The following HIVEP2 variants were observed in gnomAD, a reference collection of about 807,000 sequenced individuals.
HIVEP2 encodes the protein transcription factor HIVEP2.
Under a neutral mutation model 180.7 loss-of-function variants are expected in HIVEP2, and 14 were observed. That is an observed-to-expected ratio of 0.08 (90% CI 0.05 to 0.12). HIVEP2 has a LOEUF of 0.12. Among genes scored for constraint, HIVEP2 ranks in the 10% least tolerant of loss-of-function variants. The pLI, the probability that HIVEP2 is intolerant of heterozygous loss-of-function variation, is 1.00. For missense variants in HIVEP2, 2,579 were observed against 3,008.5 expected, an observed-to-expected ratio of 0.86 and a Z score of 3.34; for synonymous variants, 1,184 against 1,136.4, an observed-to-expected ratio of 1.04 and a Z score of -0.84.
chr6:142,812,130 G>T (rs570755604), intron 2 of HIVEP2, among the ~76,000 whole-genome samples: 1 of 152,194 alleles, frequency 6.6e-6, no homozygotes. Context: ...CCAGGGAGCC[G>T]AAGATGGTTA....
chr6:142,776,974 AGT>A (rs1329294631), intron 3 of HIVEP2, among the ~76,000 whole-genome samples: 1 of 152,190 alleles, frequency 6.6e-6, no homozygotes, highest in East Asian at 1.9e-4. Flanking sequence ...TTGACAACTA[AGT>A]AATCGTTCAA....
At chr6:142,878,405 C>T (rs1776498426) in intron 1 of HIVEP2, among the ~76,000 whole-genome samples, 1 of 152,208 alleles carries the variant, frequency 6.6e-6, no homozygotes, top group Admixed American at 6.5e-5. Context: ...AAGATAACAA[C>T]TGAGAATACA....
At position 142,771,069 on chromosome 6, in the gene HIVEP2, G is replaced by A. The variant is rs1469871816; in HGVS notation, c.3670C>T (p.Pro1224Ser). Residue 1224 changes from proline (P) to serine (S), a missense_variant, in exon 5 of 10, where the codon CCC becomes TCC. Physicochemically the swap from Pro to Ser is moderately conservative, Grantham distance 74. Around this residue, in one of 11 missense-constraint regions of HIVEP2, gnomAD observed 523 missense variants for 577.0 expected, o/e 0.91. Coordinates refer to ENST00000367603, the MANE Select transcript of HIVEP2 (RefSeq NM_006734.4). This position sits in a 1 kb window ranked among gnomAD's most constrained non-coding sequence, Gnocchi z 5.4. ...CMVHLPAQQP[P>S]WWQAHFPHPF... ...TGTGGGAAATGTGCCTGCCACCAGGGAGGCTGCTGAGCTGGTAAATGAACC... is the reference window on the plus strand; with the variant it reads ...TGTGGGAAATGTGCCTGCCACCAGGAAGGCTGCTGAGCTGGTAAATGAACC... 6.2e-7 allele frequency: 1 copy of A among 1,614,106 alleles called. No individual in the cohort carries two copies. Among genetic ancestry groups the A allele is most frequent in the Admixed American group, 1.7e-5 (1 of 60,030 alleles).
At chr6:142,867,100 G>A (rs540261716) in intron 1 of HIVEP2, among the ~76,000 whole-genome samples, 56 of 152,060 alleles carry the variant, frequency 3.7e-4, no homozygotes, top group Non-Finnish European at 7.2e-4. Context: ...ATAATTGGAC[G>A]TGTGTGTTAG....
chr6:142,846,246 G>C (rs1024988366), intron 1 of HIVEP2, among the ~76,000 whole-genome samples: 4 of 151,830 alleles, frequency 2.6e-5, no homozygotes, highest in Non-Finnish European at 5.9e-5. Flanking sequence ...ACCCTCTCCT[G>C]TCAGGGCTGT....
At chr6:142,838,185 A>G (rs754957256) in intron 1 of HIVEP2, among the ~76,000 whole-genome samples, 20 of 152,160 alleles carry the variant, frequency 1.3e-4, no homozygotes, top group Non-Finnish European at 2.2e-4. Flanking sequence ...GAAGACAAAT[A>G]GCAGTAACTA....
At chr6:142,928,354 G>C (rs1777862704) in intron 1 of HIVEP2, among the ~76,000 whole-genome samples, 1 of 152,154 alleles carries the variant, frequency 6.6e-6, no homozygotes, top group Non-Finnish European at 1.5e-5. Context: ...TTAATCTTAA[G>C]AATTGGCACA....
In HIVEP2 at chr6:142,914,549, A is replaced by G. The variant is rs186451079; in HGVS notation, c.-641+30550T>C. Among the ~76,000 whole-genome samples the G allele has an allele frequency of 4.5e-4, 68 of 152,338 alleles. 1 individual carries two copies. The highest frequency in any genetic ancestry group is 2.5e-3 in the Admixed American group (39 of 15,298). On this transcript the variant is annotated intron_variant, in intron 1 of 9. Transcript: ENST00000367603. ...ACAGACAATCAACACATTTTTACTC[A>G]TAAACTGTGTGTTAAAATGATGGCT...
intron 1 of HIVEP2, among the ~76,000 whole-genome samples, chr6:142,941,418 G>T (rs1180335351): frequency 6.6e-6 from 1 of 152,190 alleles, no homozygotes; most frequent in African/African-American, 2.4e-5. Flanking sequence ...CAATGCTTTT[G>T]ATTGTGACCA....
Position 142,801,211 on chromosome 6 carries a change from A to G in HIVEP2, c.-527-17596T>C, listed in dbSNP as rs1353517683. Among the ~76,000 whole-genome samples the G allele has an allele frequency of 3.5e-5, 5 of 144,210 alleles. No homozygotes were observed. In the East Asian group the frequency reaches 1.0e-3, roughly 30 times the overall value. 94.6% of individuals were successfully genotyped at this position (144,210 alleles called of 152,430 possible). On this transcript the variant is annotated intron_variant, in intron 2 of 9. Coordinates refer to ENST00000367603, the MANE Select transcript of HIVEP2 (RefSeq NM_006734.4). ...AGTGTCAAAAAAAAAAAAAAAAAAAACGAGGGAATACACACAATACCTTCA... is the reference window on the plus strand; with the variant it reads ...AGTGTCAAAAAAAAAAAAAAAAAAAGCGAGGGAATACACACAATACCTTCA...
chr6:142,769,686 A>G lies in HIVEP2; in HGVS notation c.5053T>C (p.Leu1685=). ...AGAGCCAGCGTGGTCTTGGTGTTCA[A>G]TCCTGATGGGTTTGGATTACAGGAA... ...ISSCNPNPSG[L]NTKTTLALLR... Residue 1685 remains leucine (L), a synonymous_variant, in exon 5 of 10, where the codon TTG becomes CTG. Transcript: ENST00000367603. The G allele has an allele frequency of 1.2e-6, 2 of 1,614,190 alleles. No individual in the cohort carries two copies. The highest frequency in any genetic ancestry group is 1.6e-4 in the Middle Eastern group (1 of 6,062).
chr6:142,854,221 G>A (rs577344342), intron 1 of HIVEP2, among the ~76,000 whole-genome samples: 5 of 152,216 alleles, frequency 3.3e-5, no homozygotes, highest in African/African-American at 1.2e-4. Context: ...GTTCTTTCTG[G>A]TTGCCAAGAC....
chr6:142,862,734 AATTATAT>A (rs1325099919), intron 1 of HIVEP2, among the ~76,000 whole-genome samples: 1 of 138,084 alleles, frequency 7.2e-6, no homozygotes, highest in Non-Finnish European at 1.5e-5. Flanking sequence ...TATATTATGT[AATTATAT>A]ATTATACATT....
At chr6:142,781,106 G>A (rs7356856) in intron 3 of HIVEP2, among the ~76,000 whole-genome samples, 11,370 of 152,138 alleles carry the variant, frequency 0.075, 1,408 homozygotes, top group African/African-American at 0.26. Context: ...CTGCAACAGA[G>A]ATCCACTTAG....
intron 1 of HIVEP2, among the ~76,000 whole-genome samples, chr6:142,900,895 C>T (rs927841906): frequency 6.6e-6 from 1 of 152,186 alleles, no homozygotes; most frequent in Non-Finnish European, 1.5e-5. Context: ...TGTATACACA[C>T]CCTCTGACAG....
rs187699611 is a variant in HIVEP2, at chr6:142,927,965, C to G, written c.-641+17134G>C. On this transcript the variant is annotated intron_variant, in intron 1 of 9. Transcript: ENST00000367603. ...TCAACTACAAAACAAATTGTAGATT[C>G]TGTTCTCATGGTGAACAAACATTAC... Among the ~76,000 whole-genome samples, 6 of 152,344 alleles carry G rather than the reference C, an allele frequency of 3.9e-5. No individual in the cohort carries two copies. In the East Asian group the frequency reaches 9.6e-4, roughly 24 times the overall value.
intron 1 of HIVEP2, among the ~76,000 whole-genome samples, chr6:142,938,201 C>T (rs1194854633): frequency 6.6e-6 from 1 of 152,186 alleles, no homozygotes; most frequent in East Asian, 1.9e-4. Flanking sequence ...AGGACTAGAT[C>T]TTGCGTCCCT....
rs1776766615 is a variant in HIVEP2 at position 142,888,482 on chromosome 6, G to C, written c.-640-51435C>G. 2.0e-5 allele frequency among the ~76,000 whole-genome samples: 3 copies of C among 152,164 alleles called. No individual in the cohort carries two copies. In the South Asian group the frequency reaches 6.2e-4, roughly 32 times the overall value. ...AATTACATCCTTACATCTCCTCATT[G>C]TTTAATAGTGACATTTTTTCATTTA... On this transcript the variant is annotated intron_variant, in intron 1 of 9. Transcript: ENST00000367603.
rs745768107 is a variant in HIVEP2 at position 142,773,427 on chromosome 6, G to C, written c.1312C>G (p.Leu438Val). Residue 438 changes from leucine (L) to valine (V), a missense_variant, in exon 5 of 10, where the codon CTC becomes GTC. Coordinates refer to ENST00000367603, the MANE Select transcript of HIVEP2 (RefSeq NM_006734.4). The stretch of plus-strand genomic sequence containing the variant: ...TCCTGACTTGTGGTTGTAACACTGA[G>C]TGCATTTCTCGGACTAAGCCGACAG... Reference protein sequence around the residue: ...KYCRLSPRNALSVTTTSQERA... With the variant: ...KYCRLSPRNAVSVTTTSQERA... 6.2e-7 allele frequency: 1 copy of C among 1,614,192 alleles called. No homozygotes were observed. Among genetic ancestry groups the C allele is most frequent in the Non-Finnish European group, 8.5e-7 (1 of 1,180,042 alleles).
Sources: allele counts gnomAD v4.1 joint callset (sites outside exome capture counted in the v4.1 genomes callset), GRCh38; gene constraint gnomAD v4.1.1; regional missense constraint gnomAD v4.1.1; non-coding constraint Gnocchi (gnomAD v3.1); transcripts MANE v1.5; gene names NCBI Gene and HGNC (gene_info 2026-07-23, HGNC 2026-07-21).